Variants in GTPBP4 observed in about 807,000 individuals in gnomAD.
The protein encoded by GTPBP4 is GTP-binding protein 4.
In GTPBP4, 15 loss-of-function variants were observed where a neutral mutation model predicts 81.7. The ratio of observed to expected loss-of-function variants is 0.18; its 90% CI spans 0.12 to 0.28. GTPBP4 has a LOEUF of 0.28. Among genes scored for constraint, GTPBP4 ranks in the 10% least tolerant of loss-of-function variants. The probability of loss-of-function intolerance (pLI) is 1.00; values close to 1 mark genes in which losing one functional copy is unlikely to be tolerated. For missense variants in GTPBP4, 847 were observed against 793.8 expected, an observed-to-expected ratio of 1.07 and a Z score of -0.81; for synonymous variants, 272 against 274.6, an observed-to-expected ratio of 0.99 and a Z score of 0.09.
intron 12 of GTPBP4, 41 bp from the exon 13 acceptor site, chr10:1,010,379 A>G: frequency 9.6e-7 from 1 of 1,038,666 alleles, no homozygotes; most frequent in Non-Finnish European, 1.5e-6. Context: ...TGAAGATATT[A>G]AAAACTGCTG....
Position 1,005,812 on chromosome 10 carries a change from T to G in GTPBP4, c.913-6T>G, listed in dbSNP as rs1490172250. 1.3e-6 allele frequency: 2 copies of G among 1,534,510 alleles called. No homozygotes were observed. Among genetic ancestry groups the G allele is most frequent in the Non-Finnish European group, 1.8e-6 (2 of 1,107,642 alleles). On this transcript the variant is annotated splice_polypyrimidine_tract_variant and splice_region_variant and intron_variant, in intron 8 of 16. Coordinates refer to ENST00000360803, the MANE Select transcript of GTPBP4 (RefSeq NM_012341.3). ...TACATCTCTCGTTTTTTCTTTGCAT[T>G]CCCAGAAAATATTTACAGATTTGCA...
In GTPBP4 at chr10:995,940, G is replaced by A. The variant is rs780463247; in HGVS notation, c.231G>A (p.Pro77=). 34 of 1,601,262 alleles carry A rather than the reference G, an allele frequency of 2.1e-5. No homozygotes were observed. Among genetic ancestry groups the A allele is most frequent in the Admixed American group, 1.3e-4 (8 of 59,950 alleles). The change falls in exon 3 of 17, where the codon CCG becomes CCA. Residue 77 remains proline (P), a synonymous_variant. Coordinates refer to ENST00000360803, the MANE Select transcript of GTPBP4 (RefSeq NM_012341.3). ...TTTGTTTGTTACAGGATATTCATCC[G>A]TTCTATGCTGATTTGATGAATATTC... ...TDFPKLDDIH[P]FYADLMNILY...
At chr10:1,000,421 T>C (rs975321696) in intron 6 of GTPBP4, among the ~76,000 whole-genome samples, 1 of 151,664 alleles carries the variant, frequency 6.6e-6, no homozygotes, top group African/African-American at 2.4e-5. Flanking sequence ...GTACTTTTAG[T>C]AGAGATGGGG....
chr10:1,004,621 T>G (rs528450372), intron 8 of GTPBP4, among the ~76,000 whole-genome samples: 1 of 152,108 alleles, frequency 6.6e-6, no homozygotes, highest in Non-Finnish European at 1.5e-5. Flanking sequence ...GGGCACTGCT[T>G]CAGCTCAGGC....
intron 10 of GTPBP4, chr10:1,007,804 T>G (rs1380193962): frequency 2.1e-6 from 1 of 472,126 alleles, no homozygotes; most frequent in African/African-American, 2.0e-5. Context: ...ACTGTCAGTC[T>G]TGTGTAAAGA....
Position 1,019,545 on chromosome 10 carries a change from A to G in GTPBP4, c.*2318A>G. On this transcript the variant is annotated 3_prime_UTR_variant, in exon 17 of 17. Transcript: ENST00000360803. Reference sequence around the variant, plus strand: ...CACTCTGTGTATTTTGTGAAGCTCCACAAACGGGGTCACGTCATCCAGGTG... The same window carrying G: ...CACTCTGTGTATTTTGTGAAGCTCCGCAAACGGGGTCACGTCATCCAGGTG... The G allele has an allele frequency of 1.9e-6, 3 of 1,613,496 alleles. No individual in the cohort carries two copies. Among genetic ancestry groups the G allele is most frequent in the Non-Finnish European group, 2.5e-6 (3 of 1,179,674 alleles).
In GTPBP4 at chr10:1,010,458, A is replaced by G. The variant is rs1228706816; in HGVS notation, c.1282A>G (p.Lys428Glu). 6.3e-7 allele frequency: 1 copy of G among 1,581,406 alleles called. No individual in the cohort carries two copies. Among genetic ancestry groups the G allele is most frequent in the South Asian group, 1.1e-5 (1 of 90,374 alleles). The change falls in exon 13 of 17, where the codon AAG becomes GAG. Residue 428 changes from lysine to glutamate, a missense_variant. Physicochemically the swap from Lys to Glu is moderately conservative, Grantham distance 56 (BLOSUM62 1). This residue lies in a region of GTPBP4 where 600 missense variants were observed against 557.1 expected (regional missense o/e 1.08). Transcript: ENST00000360803. ...AATGAATTTGTCTGAAAAACATGATAAGATACCAGAAATCTGGGAAGGCCA... is the reference window on the plus strand; with the variant it reads ...AATGAATTTGTCTGAAAAACATGATGAGATACCAGAAATCTGGGAAGGCCA... ...DLMNLSEKHDKIPEIWEGHNI... is the reference protein window; with the variant it reads ...DLMNLSEKHDEIPEIWEGHNI...
intron 6 of GTPBP4, among the ~76,000 whole-genome samples, chr10:999,578 G>A (rs1384875264): frequency 6.6e-6 from 1 of 152,170 alleles, no homozygotes; most frequent in Non-Finnish European, 1.5e-5. Context: ...CTGCCAGTGT[G>A]GATTTCTGCA....
At chr10:1,015,479 CGCTGAGCCTGGGAGTGGGG>C (rs1564472288) in intron 15 of GTPBP4, among the ~76,000 whole-genome samples, 27 of 110,382 alleles carry the variant, frequency 2.4e-4, no homozygotes, top group African/African-American at 7.9e-4. Flanking sequence ...GGGTCCTGAG[CGCTGAGCCTGGGAGTGGGG>C]CTGGGGTCCT....
At position 1,019,864 on chromosome 10, in the gene GTPBP4, AACGCTAATGTAAAACACAGAATTT is replaced by A. The variant is rs747567628; in HGVS notation, c.*2640_*2663del. ...TGACAGAAATTGGTGCAGTGTTAAC[AACGCTAATGTAAAACACAGAATTT>A]ACAGAAAAATAGAGAAAATAAACAC... On this transcript the variant is annotated 3_prime_UTR_variant, in exon 17 of 17. Coordinates refer to ENST00000360803, the MANE Select transcript of GTPBP4 (RefSeq NM_012341.3). 2.0e-6 allele frequency: 3 copies of A among 1,468,318 alleles called. No individual in the cohort carries two copies. The East Asian group carries it at 6.8e-5, about 33-fold the overall frequency. The allele number at this position is 1,468,318 out of a possible 1,614,324, so 91.0% of individuals were successfully genotyped here. A position where few individuals can be genotyped will look rare whatever the true frequency, so the allele number is the denominator to read the frequency against.
intron 1 of GTPBP4, among the ~76,000 whole-genome samples, chr10:992,183 G>A (rs1427042805): frequency 2.0e-5 from 3 of 151,122 alleles, no homozygotes; most frequent in Admixed American, 2.0e-4. Context: ...GGTGGATCAC[G>A]AGGTCAGGAT....
At chr10:1,013,389 C>G (rs1246160007) in intron 14 of GTPBP4, among the ~76,000 whole-genome samples, 2 of 151,868 alleles carry the variant, frequency 1.3e-5, no homozygotes, top group East Asian at 3.9e-4. Flanking sequence ...GTGGGTGGAT[C>G]ACGAGGTCAG....
At position 1,005,941 on chromosome 10, in the gene GTPBP4, T is replaced by C. The variant is rs548054631; in HGVS notation, c.1002+34T>C. 604 of 1,025,468 alleles carry C rather than the reference T, an allele frequency of 5.9e-4. 15 individuals are homozygous for C. In the South Asian group the frequency reaches 8.5e-3, roughly 14 times the overall value. The allele number at this position is 1,025,468 out of a possible 1,614,324, so 63.5% of individuals were successfully genotyped here. A position where few individuals can be genotyped will look rare whatever the true frequency, so the allele number is the denominator to read the frequency against. On this transcript the variant is annotated intron_variant, in intron 9 of 16. Coordinates refer to ENST00000360803, the MANE Select transcript of GTPBP4 (RefSeq NM_012341.3). Reference sequence around the variant, plus strand: ...TGCCTTAAGTCAGGTATTAGTCTTTTTACTGTCTCTTGTTTGATTCAAGTC... The same window carrying C: ...TGCCTTAAGTCAGGTATTAGTCTTTCTACTGTCTCTTGTTTGATTCAAGTC...
At chr10:1,006,507 G>A (rs773725084) in intron 9 of GTPBP4, among the ~76,000 whole-genome samples, 1 of 152,220 alleles carries the variant, frequency 6.6e-6, no homozygotes, top group African/African-American at 2.4e-5. Context: ...GCGTGGTAGC[G>A]CATGCTTGTA....
In GTPBP4 at chr10:1,017,152, T is replaced by C. The variant is rs1832008037; in HGVS notation, c.1830T>C (p.Asp610=). The C allele has an allele frequency of 5.6e-6, 9 of 1,613,896 alleles. No homozygotes were observed. Among genetic ancestry groups the C allele is most frequent in the Non-Finnish European group, 7.6e-6 (9 of 1,179,742 alleles). The change falls in exon 17 of 17, where the codon GAT becomes GAC. Residue 610 remains aspartate (D), a synonymous_variant. Transcript: ENST00000360803. ...MNRLGKKGEA[D]RHVFDMKPKH... is the part of the protein sequence containing the mutation. ...GGTTGGGGAAGAAAGGGGAGGCGGA[T>C]AGACACGTGTTTGATATGAAGCCCA... is the stretch of plus-strand genomic sequence containing the variant.
chr10:997,345 C>T, intron 5 of GTPBP4, 37 bp downstream of exon 5: 1 of 1,092,870 alleles, frequency 9.2e-7, no homozygotes, highest in Non-Finnish European at 1.4e-6. Context: ...AATCATCTGA[C>T]TATTTTACGT....
At chr10:1,008,761 A>T (rs528374537) in intron 10 of GTPBP4, among the ~76,000 whole-genome samples, 197 bp from the exon 11 acceptor site, 5 of 151,564 alleles carry the variant, frequency 3.3e-5, no homozygotes, top group African/African-American at 1.2e-4. Context: ...CTCTCCCCTA[A>T]AATAATCTGT....
At chr10:1,016,275 G>T (rs542655927) in intron 16 of GTPBP4, among the ~76,000 whole-genome samples, 2 of 152,318 alleles carry the variant, frequency 1.3e-5, no homozygotes, top group African/African-American at 4.8e-5. Context: ...GGAACTCCTG[G>T]GTTGATTGGC....
chr10:1,016,002 G>T, intron 16 of GTPBP4, 106 bp downstream of exon 16: 2 of 1,031,402 alleles, frequency 1.9e-6, no homozygotes, highest in African/African-American at 1.6e-5. Context: ...ACTATGGCAG[G>T]GGTTGTGTGT....
Sources: gnomAD v4.1 joint callset for allele counts (sites outside exome capture counted in the v4.1 genomes callset) on GRCh38, gnomAD v4.1.1 for gene constraint, gnomAD v4.1.1 regional missense constraint, MANE v1.5 for transcripts, NCBI Gene and HGNC (gene_info 2026-07-23, HGNC 2026-07-21) for gene names.